JAK1: variants seen among roughly 807,000 people sequenced by gnomAD.
JAK1 encodes Janus kinase 1.
JAK1 carries 16 observed loss-of-function variants against 136.6 expected under a neutral mutation model. The observed-to-expected ratio is 0.12, with a 90% CI of 0.08 to 0.18. The LOEUF is 0.18. Among genes scored for constraint, JAK1 ranks in the 10% least tolerant of loss-of-function variants. The pLI is 1.00. For missense variants in JAK1, 859 were observed against 1,450.1 expected (o/e 0.59, Z 6.62); for synonymous variants, 492 against 519.5 (o/e 0.95, Z 0.72).
chr1:64,938,695 C>T (rs919252213), intron 1 of JAK1, among the ~76,000 whole-genome samples: 1 of 152,196 alleles, frequency 6.6e-6, no homozygotes, highest in Non-Finnish European at 1.5e-5. Context: ...CAACACCAAA[C>T]CATACACTTT....
chr1:64,887,499 TC>T (rs745548114), intron 1 of JAK1, among the ~76,000 whole-genome samples: 1 of 152,210 alleles, frequency 6.6e-6, no homozygotes, highest in Non-Finnish European at 1.5e-5. Context: ...ATTCACTCTT[TC>T]AACAAGTATT....
At chr1:65,007,615 C>G (rs778302688) in intron 2 of JAK1, among the ~76,000 whole-genome samples, 2 of 152,252 alleles carry the variant, frequency 1.3e-5, no homozygotes, top group East Asian at 3.9e-4. Flanking sequence ...CGCATGCCAC[C>G]ACGCCCAGCT....
At chr1:64,948,725 C>CA (rs1341358189) in intron 1 of JAK1, among the ~76,000 whole-genome samples, 1 of 152,176 alleles carries the variant, frequency 6.6e-6, no homozygotes, top group Non-Finnish European at 1.5e-5. Flanking sequence ...GGCTTTTCAA[C>CA]ACTCACTGCA....
intron 2 of JAK1, among the ~76,000 whole-genome samples, chr1:65,042,042 TCAAAACAAAA>T (rs897150062): frequency 1.3e-5 from 2 of 150,776 alleles, no homozygotes; most frequent in Non-Finnish European, 3.0e-5. Flanking sequence ...AAACTCTGTC[TCAAAACAAAA>T]CAAAACAAAA....
At chr1:65,012,412 A>T (rs1383905191) in intron 2 of JAK1, among the ~76,000 whole-genome samples, 1 of 152,204 alleles carries the variant, frequency 6.6e-6, no homozygotes, top group African/African-American at 2.4e-5. Flanking sequence ...CTGACTATGG[A>T]AACTGACAAA....
intron 1 of JAK1, among the ~76,000 whole-genome samples, chr1:64,934,539 G>A (rs1236694815): frequency 6.6e-6 from 1 of 152,324 alleles, no homozygotes; most frequent in Non-Finnish European, 1.5e-5. Flanking sequence ...CGAAATGAGA[G>A]GGGCGAGAAG....
intron 1 of JAK1, among the ~76,000 whole-genome samples, chr1:64,961,628 G>C (rs1646284473): frequency 6.6e-6 from 1 of 152,036 alleles, no homozygotes; most frequent in African/African-American, 2.4e-5. Context: ...CCACTTCCAA[G>C]TCTGCCACTG....
intron 3 of JAK1, 128 bp from the exon 4 acceptor site, chr1:64,879,276 CT>C: frequency 9.2e-7 from 1 of 1,084,948 alleles, no homozygotes; most frequent in Non-Finnish European, 1.3e-6. Context: ...CTCATATCCT[CT>C]TAGGGCAAAC....
chr1:64,833,999 A>C lies in JAK1; in HGVS notation c.*563T>G. On this transcript the variant is annotated 3_prime_UTR_variant, in exon 25 of 25. Coordinates refer to ENST00000342505, the MANE Select transcript of JAK1 (RefSeq NM_002227.4). ...ACTGGAGAAACAAAGTTTAAGTCCT[A>C]CTGGTGAGAGAATACAGTCATTTTT... 4.3e-6 allele frequency: 1 copy of C among 232,688 alleles called. No homozygotes were observed. The highest frequency in any genetic ancestry group is 8.5e-6 in the Non-Finnish European group (1 of 117,834). 14.4% of individuals were successfully genotyped at this position (232,688 alleles called of 1,614,324 possible).
chr1:65,001,905 G>A (rs1646761912), intron 2 of JAK1, among the ~76,000 whole-genome samples: 1 of 152,020 alleles, frequency 6.6e-6, no homozygotes, highest in African/African-American at 2.4e-5. Context: ...GACCTAGAAT[G>A]ACTGCGCAGG....
At chr1:64,852,628 G>A (rs1315966435) in intron 11 of JAK1, among the ~76,000 whole-genome samples, 1 of 152,198 alleles carries the variant, frequency 6.6e-6, no homozygotes, top group African/African-American at 2.4e-5. Flanking sequence ...GGATGGAACC[G>A]AAGCCATTTA....
At chr1:64,985,445 T>C in intron 2 of JAK1, 2 of 1,607,554 alleles carry the variant, frequency 1.2e-6, no homozygotes, top group Non-Finnish European at 1.7e-6. Flanking sequence ...TCTCCTCTTC[T>C]TTTCTGTTAA....
intron 2 of JAK1, among the ~76,000 whole-genome samples, chr1:65,020,007 T>G (rs1361313078): frequency 6.6e-6 from 1 of 151,474 alleles, no homozygotes; most frequent in African/African-American, 2.4e-5. Flanking sequence ...GGGCAGATCA[T>G]CTGAGGTCAG....
At chr1:64,893,711 C>T (rs540976744) in intron 1 of JAK1, among the ~76,000 whole-genome samples, 1 of 152,248 alleles carries the variant, frequency 6.6e-6, no homozygotes, top group South Asian at 2.1e-4. Flanking sequence ...AAAAAAGAAA[C>T]AAATAAAACA....
In JAK1 at chr1:64,947,328, G is replaced by A. The variant is rs570163856; in HGVS notation, c.-78+19005C>T. Among the ~76,000 whole-genome samples, 40 of 152,248 alleles carry A rather than the reference G, an allele frequency of 2.6e-4. No individual in the cohort carries two copies. In the South Asian group the frequency reaches 8.1e-3, roughly 31 times the overall value. ...ACCAGGTGATTCTGTTAACACTACA[G>A]ATCACAGTGTCCCACCTGACCCCCA... On this transcript the variant is annotated intron_variant, in intron 1 of 24. Transcript: ENST00000342505.
At chr1:65,049,617 G>A (rs1047577231) in intron 1 of JAK1, among the ~76,000 whole-genome samples, 1 of 152,140 alleles carries the variant, frequency 6.6e-6, no homozygotes, top group African/African-American at 2.4e-5. Flanking sequence ...TGGGGCACAT[G>A]TTTGTTGAGA....
chr1:65,030,714 T>C (rs956002133), intron 2 of JAK1, among the ~76,000 whole-genome samples: 4 of 152,160 alleles, frequency 2.6e-5, no homozygotes, highest in African/African-American at 9.6e-5. Flanking sequence ...GTATTTTTAG[T>C]AGAGATGGGG....
intron 1 of JAK1, among the ~76,000 whole-genome samples, chr1:64,944,983 G>A (rs1645958423): frequency 6.6e-6 from 1 of 151,388 alleles, no homozygotes; most frequent in Admixed American, 6.6e-5. Context: ...GGCACCTTGG[G>A]CTCACAACAC....
intron 2 of JAK1, among the ~76,000 whole-genome samples, chr1:64,978,082 A>G (rs1646512784): frequency 6.6e-6 from 1 of 152,066 alleles, no homozygotes; most frequent in African/African-American, 2.4e-5. Flanking sequence ...GATTGAGACC[A>G]TCCTGGCCAA....
Sources: gnomAD v4.1 joint callset for allele counts (sites outside exome capture counted in the v4.1 genomes callset) on GRCh38, gnomAD v4.1.1 for gene constraint, MANE v1.5 for transcripts, NCBI Gene and HGNC (gene_info 2026-07-23, HGNC 2026-07-21) for gene names.